RP1: variants seen among roughly 807,000 people sequenced by gnomAD.
RP1 encodes the protein RP1 axonemal microtubule associated, also known as oxygen-regulated protein 1.
RP1 carries 16 observed loss-of-function variants against 14.8 expected under a neutral mutation model. The ratio of observed to expected loss-of-function variants is 1.08; its 90% CI spans 0.73 to 1.65. The LOEUF is 1.65. Among genes scored for constraint, RP1 ranks in the 40% most tolerant of loss-of-function variants. The pLI is 0.00. For synonymous variants in RP1, 876 were observed against 883.6 expected, an observed-to-expected ratio of 0.99 and a Z score of 0.15; for missense variants, 2,631 against 2,535.0, an observed-to-expected ratio of 1.04 and a Z score of -0.81.
At chr8:54,749,109 AT>A (rs1285312691) in intron 19 of RP1, among the ~76,000 whole-genome samples, 1 of 152,104 alleles carries the variant, frequency 6.6e-6, no homozygotes, top group African/African-American at 2.4e-5. Context: ...TGTGAAAAGT[AT>A]TTTATAAAAA....
At chr8:54,785,677 A>G (rs1810300117) in intron 24 of RP1, among the ~76,000 whole-genome samples, 1 of 152,088 alleles carries the variant, frequency 6.6e-6, no homozygotes, top group Admixed American at 6.6e-5. Context: ...ATCTTTCTCC[A>G]CATCTTTATT....
intron 12 of RP1, chr8:54,699,425 A>G: frequency 9.2e-7 from 1 of 1,083,354 alleles, no homozygotes; most frequent in Non-Finnish European, 1.2e-6. Flanking sequence ...AAAAGTTTTA[A>G]AAGCCAAACT....
intron 12 of RP1, among the ~76,000 whole-genome samples, chr8:54,681,485 TGTG>T (rs1345338422): frequency 7.8e-5 from 3 of 38,430 alleles, no homozygotes; most frequent in South Asian, 1.3e-3. Flanking sequence ...TTTTGATTTG[TGTG>T]TGTGTGTGTG....
At chr8:54,656,545 T>A (rs773391270) in intron 6 of RP1, among the ~76,000 whole-genome samples, 2 of 152,128 alleles carry the variant, frequency 1.3e-5, no homozygotes, top group Non-Finnish European at 2.9e-5. Flanking sequence ...AGTCAGTGTC[T>A]ACTTTTCCCA....
At chr8:54,692,890 C>T (rs1174461418) in intron 12 of RP1, among the ~76,000 whole-genome samples, 4 of 152,060 alleles carry the variant, frequency 2.6e-5, no homozygotes, top group African/African-American at 9.7e-5. Flanking sequence ...GAAGTGCTTG[C>T]CCATGCCTAT....
chr8:54,784,350 A>G (rs562188927), intron 24 of RP1, among the ~76,000 whole-genome samples: 30 of 152,246 alleles, frequency 2.0e-4, no homozygotes, highest in African/African-American at 7.2e-4. Context: ...TACATAGGCA[A>G]TTTTGTAGCA....
chr8:54,677,545 A>G (rs1198501204), intron 8 of RP1, among the ~76,000 whole-genome samples: 1 of 152,086 alleles, frequency 6.6e-6, no homozygotes, highest in Non-Finnish European at 1.5e-5. Context: ...TGGGCAACAT[A>G]CAAGACCCCA....
chr8:54,731,851 T>G (rs142672608), intron 17 of RP1, among the ~76,000 whole-genome samples: 1 of 152,192 alleles, frequency 6.6e-6, no homozygotes, highest in Non-Finnish European at 1.5e-5. Context: ...TTTCTTTGTA[T>G]GTTTGTTCAC....
At chr8:54,594,293 G>T (rs1339002542) in intron 1 of RP1, among the ~76,000 whole-genome samples, 1 of 150,922 alleles carries the variant, frequency 6.6e-6, no homozygotes, top group Non-Finnish European at 1.5e-5. Context: ...AACTCTGAGA[G>T]AACTTGGGAC....
intron 15 of RP1, among the ~76,000 whole-genome samples, chr8:54,711,291 C>T (rs563667658): frequency 6.6e-6 from 1 of 152,272 alleles, no homozygotes; most frequent in African/African-American, 2.4e-5. Context: ...GGCTCAGAGG[C>T]TCAAACATTC....
chr8:54,595,773 T>C (rs1171501811), intron 1 of RP1, among the ~76,000 whole-genome samples: 1 of 152,228 alleles, frequency 6.6e-6, no homozygotes, highest in Admixed American at 6.5e-5. Context: ...TTATATGTTT[T>C]GAGGATAGCT....
chr8:54,770,675 T>C (rs958767291), downstream of RP1, among the ~76,000 whole-genome samples: 1 of 151,096 alleles, frequency 6.6e-6, no homozygotes, highest in Non-Finnish European at 1.5e-5. Flanking sequence ...AAATATACTA[T>C]GCTTTTGTAA....
At chr8:54,821,534 C>T (rs1175458979) in intron 24 of RP1, among the ~76,000 whole-genome samples, 1 of 152,154 alleles carries the variant, frequency 6.6e-6, no homozygotes, top group Non-Finnish European at 1.5e-5. Context: ...ACTTTCTAAA[C>T]CTGGGTACTC....
intron 25 of RP1, among the ~76,000 whole-genome samples, chr8:54,843,222 TTATG>T (rs1256169561): frequency 6.6e-6 from 1 of 151,984 alleles, no homozygotes; most frequent in East Asian, 1.9e-4. Context: ...TTTTATGTAT[TTATG>T]TATGTATGTA....
At chr8:54,815,338 ATAAAT>A (rs1270226398) in intron 24 of RP1, among the ~76,000 whole-genome samples, 1 of 152,222 alleles carries the variant, frequency 6.6e-6, no homozygotes, top group Admixed American at 6.5e-5. Flanking sequence ...ATTAAAATAA[ATAAAT>A]TAAAAACTCT....
chr8:54,720,899 A>T (rs1808520080), intron 16 of RP1, among the ~76,000 whole-genome samples: 1 of 152,240 alleles, frequency 6.6e-6, no homozygotes, highest in Non-Finnish European at 1.5e-5. Flanking sequence ...TTGAACACAA[A>T]GGCTAGTAAA....
chr8:54,689,243 T>G (rs906406452), intron 12 of RP1, among the ~76,000 whole-genome samples: 1 of 152,180 alleles, frequency 6.6e-6, no homozygotes, highest in African/African-American at 2.4e-5. Flanking sequence ...AAATATACAA[T>G]CATGTCATCT....
intron 1 of RP1, among the ~76,000 whole-genome samples, chr8:54,599,486 T>A (rs939661418): frequency 6.6e-6 from 1 of 150,466 alleles, no homozygotes; most frequent in African/African-American, 2.5e-5. Context: ...TGAGACAGGG[T>A]CTCACTCTGT....
chr8:54,627,838 A>G lies in RP1; in HGVS notation c.3956A>G (p.Glu1319Gly), dbSNP rs776251277. Residue 1319 changes from glutamate (E) to glycine (G), a missense_variant, in exon 4 of 4, where the codon GAG becomes GGG. Glu to Gly is a moderately conservative substitution (Grantham distance 98). Transcript: ENST00000220676. Reference protein sequence around the residue: ...VFSDKACAQKENHTYEGACPI... With the variant: ...VFSDKACAQKGNHTYEGACPI... ...TCTGATAAGGCTTGTGCTCAAAAGG[A>G]GAACCATACCTATGAGGGAGCTTGC... is the stretch of plus-strand genomic sequence containing the variant. The G allele has an allele frequency of 6.8e-6, 11 of 1,614,056 alleles. No homozygotes were observed. The highest frequency in any genetic ancestry group is 2.7e-5 in the African/African-American group (2 of 74,938).
Sources: gnomAD v4.1 joint callset for allele counts (sites outside exome capture counted in the v4.1 genomes callset) on GRCh38, gnomAD v4.1.1 for gene constraint, MANE v1.5 for transcripts, NCBI Gene and HGNC (gene_info 2026-07-23, HGNC 2026-07-21) for gene names.